The following PRR16 variants were observed in gnomAD, a reference collection of about 807,000 sequenced individuals.
PRR16 encodes protein Largen.
A neutral mutation model predicts 18.2 loss-of-function variants in PRR16; 6 were observed. The observed-to-expected ratio is 0.33, with a 90% CI of 0.18 to 0.65. PRR16 has a LOEUF of 0.65. Ranked by LOEUF, PRR16 falls within the 30% of genes least tolerant of loss-of-function variation. The probability of loss-of-function intolerance (pLI) is 0.74; values close to 1 mark genes in which losing one functional copy is unlikely to be tolerated. For missense variants in PRR16, 412 were observed against 376.6 expected (o/e 1.09, Z -0.78); for synonymous variants, 151 against 147.8 (o/e 1.02, Z -0.16).
At chr5:120,661,608 C>G (rs2150138685) in intron 1 of PRR16, among the ~76,000 whole-genome samples, 1 of 151,910 alleles carries the variant, frequency 6.6e-6, no homozygotes, top group East Asian at 1.9e-4. Flanking sequence ...CATACCTATT[C>G]TTTCCTTTTC....
intron 1 of PRR16, among the ~76,000 whole-genome samples, chr5:120,677,769 TA>T (rs1204805156): frequency 6.6e-6 from 1 of 152,216 alleles, no homozygotes; most frequent in Non-Finnish European, 1.5e-5. Context: ...AATTGAATTA[TA>T]TTTTTTTATT....
At chr5:120,537,046 G>T (rs1447878613) in intron 1 of PRR16, among the ~76,000 whole-genome samples, 2 of 152,154 alleles carry the variant, frequency 1.3e-5, no homozygotes, top group Non-Finnish European at 2.9e-5. Flanking sequence ...ACTTTAGGAT[G>T]GAGGGCGAGA....
rs368860341 is a variant in PRR16 at position 120,513,195 on chromosome 5, G to A, written c.159+48550G>A. Among the ~76,000 whole-genome samples, 225 of 152,260 alleles carry A rather than the reference G, an allele frequency of 1.5e-3. 2 individuals are homozygous for A. The highest frequency in any genetic ancestry group is 5.1e-3 in the African/African-American group (213 of 41,544). On this transcript the variant is annotated intron_variant, in intron 1 of 1. Coordinates refer to ENST00000407149, the MANE Select transcript of PRR16 (RefSeq NM_001300783.2). ...TGCATTCCTATCTATGCCTAAAGCA[G>A]GATGTCTGCAACCTGTCTTCATTGT... is the stretch of plus-strand genomic sequence containing the variant.
chr5:120,693,235 G>A, the PRR16 span, among the ~76,000 whole-genome samples: 1 of 152,130 alleles, frequency 6.6e-6, no homozygotes, highest in Non-Finnish European at 1.5e-5. Flanking sequence ...TCCTGATAGA[G>A]CACTTACTCA....
chr5:120,732,010 C>G, the PRR16 span, among the ~76,000 whole-genome samples: 1,195 of 152,168 alleles, frequency 7.9e-3, 8 homozygotes, highest in Middle Eastern at 0.027. Flanking sequence ...AGTCACTGAC[C>G]CTGGACTGGG....
the PRR16 span, among the ~76,000 whole-genome samples, chr5:120,741,900 C>T: frequency 6.6e-6 from 1 of 152,158 alleles, no homozygotes; most frequent in East Asian, 1.9e-4. Flanking sequence ...CGCACCAGGC[C>T]TCTGTGGGTT....
chr5:120,683,197 T>C (rs1379252169), intron 1 of PRR16, among the ~76,000 whole-genome samples: 1 of 152,150 alleles, frequency 6.6e-6, no homozygotes, highest in African/African-American at 2.4e-5. Context: ...ATCATATTTT[T>C]TAAAAATTTT....
intron 1 of PRR16, among the ~76,000 whole-genome samples, chr5:120,563,466 C>G (rs1476827525): frequency 6.6e-6 from 1 of 152,218 alleles, no homozygotes; most frequent in Non-Finnish European, 1.5e-5. Context: ...AAGATCCTTC[C>G]TGCTCTTCCC....
intron 1 of PRR16, among the ~76,000 whole-genome samples, chr5:120,568,891 C>T (rs188391625): frequency 6.6e-6 from 1 of 152,076 alleles, no homozygotes; most frequent in Non-Finnish European, 1.5e-5. Flanking sequence ...TTTTGGAATG[C>T]TGTCATCACT....
At chr5:120,729,849 T>C in the PRR16 span, among the ~76,000 whole-genome samples, 7 of 152,200 alleles carry the variant, frequency 4.6e-5, no homozygotes, top group South Asian at 1.5e-3. Context: ...GGGGAAAAGT[T>C]GTACGTGATG....
chr5:120,646,193 G>A (rs1755596910), intron 1 of PRR16, among the ~76,000 whole-genome samples: 1 of 151,156 alleles, frequency 6.6e-6, no homozygotes, highest in South Asian at 2.1e-4. Context: ...GATAAATGAA[G>A]AAAGTGTCAA....
chr5:120,733,117 TGTG>T, the PRR16 span, among the ~76,000 whole-genome samples: 17 of 152,262 alleles, frequency 1.1e-4, no homozygotes, highest in South Asian at 2.1e-4. Context: ...ATTCTAATAA[TGTG>T]GTGGTATCTT....
intron 1 of PRR16, among the ~76,000 whole-genome samples, chr5:120,664,355 T>TCCTGGGAAGGTACTCGTGCTGCAAC: frequency 6.6e-6 from 1 of 151,816 alleles, no homozygotes; most frequent in East Asian, 1.9e-4. Flanking sequence ...CGTGCTGCAA[T>TCCTGGGAAGGTACTCGTGCTGCAAC]CCTGGGAAGG....
intron 1 of PRR16, among the ~76,000 whole-genome samples, chr5:120,554,030 T>C (rs1162961038): frequency 6.6e-6 from 1 of 151,930 alleles, no homozygotes; most frequent in Non-Finnish European, 1.5e-5. Flanking sequence ...GAATGAATAC[T>C]AACTAAATTC....
intron 1 of PRR16, among the ~76,000 whole-genome samples, chr5:120,516,280 C>T (rs1365049607): frequency 6.6e-6 from 1 of 152,064 alleles, no homozygotes; most frequent in East Asian, 1.9e-4. Context: ...CAAAAATTAG[C>T]TGGGTGTGGT....
At chr5:120,544,875 C>A (rs889623566) in intron 1 of PRR16, among the ~76,000 whole-genome samples, 2 of 152,052 alleles carry the variant, frequency 1.3e-5, no homozygotes, top group African/African-American at 4.8e-5. Context: ...ATTTAGATGG[C>A]AGTATTCTTG....
intron 1 of PRR16, among the ~76,000 whole-genome samples, chr5:120,489,924 T>A (rs1749964401): frequency 6.6e-6 from 1 of 152,228 alleles, no homozygotes; most frequent in Non-Finnish European, 1.5e-5. Flanking sequence ...TTAGTTTGGC[T>A]GGATATGAAA....
chr5:120,730,207 T>C, the PRR16 span, among the ~76,000 whole-genome samples: 1 of 152,156 alleles, frequency 6.6e-6, no homozygotes, highest in Non-Finnish European at 1.5e-5. Flanking sequence ...GGTATGAAGA[T>C]TTTATACTTT....
intron 1 of PRR16, among the ~76,000 whole-genome samples, chr5:120,546,705 C>T (rs1381544875): frequency 2.6e-5 from 4 of 151,898 alleles, no homozygotes; most frequent in Non-Finnish European, 5.9e-5. Flanking sequence ...TGAGAGTGAA[C>T]ATGGAAATTC....
Sources: allele counts gnomAD v4.1 joint callset (sites outside exome capture counted in the v4.1 genomes callset), GRCh38; gene constraint gnomAD v4.1.1; transcripts MANE v1.5; gene names NCBI Gene and HGNC (gene_info 2026-07-23, HGNC 2026-07-21).